The following SETBP1 variants were observed in gnomAD, a reference collection of about 807,000 sequenced individuals.
SETBP1 encodes the protein SET binding protein 1.
In SETBP1, 9 loss-of-function variants were observed where a neutral mutation model predicts 101.0. The ratio of observed to expected loss-of-function variants is 0.09; its 90% CI spans 0.05 to 0.16. The LOEUF (loss-of-function observed/expected upper bound fraction) is 0.16. Among genes scored for constraint, SETBP1 ranks in the 10% least tolerant of loss-of-function variants. The pLI is 1.00. For synonymous variants in SETBP1, 818 were observed against 788.5 expected, an observed-to-expected ratio of 1.04 and a Z score of -0.63; for missense variants, 1,858 against 2,033.8, an observed-to-expected ratio of 0.91 and a Z score of 1.66.
At chr18:44,752,536 G>A (rs1255982821) in intron 2 of SETBP1, among the ~76,000 whole-genome samples, 1 of 152,220 alleles carries the variant, frequency 6.6e-6, no homozygotes, top group Non-Finnish European at 1.5e-5. Context: ...AGCAACAACT[G>A]TGGACTTGAC....
intron 4 of SETBP1, among the ~76,000 whole-genome samples, chr18:44,985,200 G>A (rs1303788551): frequency 2.6e-5 from 4 of 152,042 alleles, no homozygotes; most frequent in Non-Finnish European, 4.4e-5. Flanking sequence ...GTGCTTTCAG[G>A]TTACAAATGT....
chr18:44,803,840 A>G (rs1262305729), intron 2 of SETBP1, among the ~76,000 whole-genome samples: 1 of 152,178 alleles, frequency 6.6e-6, no homozygotes, highest in African/African-American at 2.4e-5. Flanking sequence ...GCTAAAATTT[A>G]CTGTTTTCAG....
At chr18:45,026,162 T>A (rs1237136370) in intron 4 of SETBP1, among the ~76,000 whole-genome samples, 1 of 152,252 alleles carries the variant, frequency 6.6e-6, no homozygotes, top group Non-Finnish European at 1.5e-5. Flanking sequence ...TAGAGAAGAA[T>A]CTTCTAGAGA....
chr18:44,732,752 G>A (rs1286632487), intron 2 of SETBP1: 1 of 152,106 alleles, frequency 6.6e-6, no homozygotes, highest in African/African-American at 2.4e-5. Context: ...TGGTCTCCAG[G>A]AAGAACCAGT....
At chr18:44,902,600 A>G (rs1287963251) in intron 3 of SETBP1, among the ~76,000 whole-genome samples, 1 of 152,186 alleles carries the variant, frequency 6.6e-6, no homozygotes, top group African/African-American at 2.4e-5. Context: ...AATTTGAAAG[A>G]ATACCAGATT....
chr18:44,960,648 GCTA>G (rs933906478), intron 4 of SETBP1, among the ~76,000 whole-genome samples: 1 of 152,124 alleles, frequency 6.6e-6, no homozygotes, highest in Non-Finnish European at 1.5e-5. Context: ...CTGGCCAGAA[GCTA>G]CTTTTTAAAC....
intron 2 of SETBP1, among the ~76,000 whole-genome samples, chr18:44,863,641 T>C (rs1439977117): frequency 6.6e-6 from 1 of 152,112 alleles, no homozygotes; most frequent in African/African-American, 2.4e-5. Flanking sequence ...TGAGGGCAGA[T>C]TGAAAAGAGG....
intron 2 of SETBP1, among the ~76,000 whole-genome samples, chr18:44,764,879 C>T (rs1342817637): frequency 6.6e-6 from 1 of 152,190 alleles, no homozygotes; most frequent in Non-Finnish European, 1.5e-5. Context: ...AGAGTGGAAG[C>T]TTTTTGAGGG....
chr18:44,918,550 A>T (rs956516684), intron 3 of SETBP1, among the ~76,000 whole-genome samples: 1 of 152,142 alleles, frequency 6.6e-6, no homozygotes, highest in African/African-American at 2.4e-5. Context: ...GTCATTAGAG[A>T]TGTTGAGGCA....
intron 2 of SETBP1, among the ~76,000 whole-genome samples, chr18:44,839,484 C>A (rs1403805794): frequency 6.6e-6 from 1 of 152,208 alleles, no homozygotes; most frequent in East Asian, 1.9e-4. Flanking sequence ...GGACTCTCAG[C>A]TATTGTTACA....
intron 3 of SETBP1, among the ~76,000 whole-genome samples, chr18:44,894,296 G>A (rs1041402441): frequency 6.6e-6 from 1 of 152,084 alleles, no homozygotes; most frequent in African/African-American, 2.4e-5. Context: ...TGCAGGAAGC[G>A]ATTGTAAATA....
chr18:44,876,323 T>C (rs1398065496), intron 3 of SETBP1, among the ~76,000 whole-genome samples: 1 of 152,188 alleles, frequency 6.6e-6, no homozygotes, highest in East Asian at 1.9e-4. Context: ...ATCCTGCAGC[T>C]GCTGCTTCCT....
rs746194683 is a variant in SETBP1, at chr18:44,952,495, G to T, written c.3155G>T (p.Gly1052Val). Reference sequence around the variant, plus strand: ...AGTGGAAGTTACTATGCACCCTATGGAATGCCTTACACATCAATGCCTATG... The same window carrying T: ...AGTGGAAGTTACTATGCACCCTATGTAATGCCTTACACATCAATGCCTATG... ...IPSGSYYAPY[G>V]MPYTSMPMMN... Residue 1052 changes from glycine (G) to valine (V), a missense_variant, in exon 4 of 6, where the codon GGA becomes GTA. Around this residue, in one of 12 missense-constraint regions of SETBP1, gnomAD observed 255 missense variants for 300.1 expected, o/e 0.85. Coordinates refer to ENST00000649279, the MANE Select transcript of SETBP1 (RefSeq NM_015559.3). The T allele has an allele frequency of 6.2e-7, 1 of 1,614,036 alleles. No individual in the cohort carries two copies. Among genetic ancestry groups the T allele is most frequent in the Admixed American group, 1.7e-5 (1 of 60,002 alleles).
At chr18:44,869,491 T>G in intron 3 of SETBP1, 1 of 614,404 alleles carries the variant, frequency 1.6e-6, no homozygotes, top group South Asian at 1.8e-5. Context: ...TTTCTGCTCT[T>G]TCGTTCCTAA....
intron 2 of SETBP1, among the ~76,000 whole-genome samples, chr18:44,818,753 TCA>T (rs34683605): frequency 0.052 from 7,287 of 140,412 alleles, 391 homozygotes; most frequent in African/African-American, 0.14. Flanking sequence ...ACGCACACAC[TCA>T]CACACACACA....
intron 3 of SETBP1, among the ~76,000 whole-genome samples, chr18:44,932,804 T>C (rs2070867543): frequency 6.6e-6 from 1 of 152,228 alleles, no homozygotes; most frequent in African/African-American, 2.4e-5. Context: ...TCAGGTCATT[T>C]AAGGACTTCT....
intron 2 of SETBP1, among the ~76,000 whole-genome samples, chr18:44,715,853 C>T (rs1465535623): frequency 5.9e-5 from 9 of 152,186 alleles, no homozygotes; most frequent in Admixed American, 3.9e-4. Context: ...ACAGCAGCTG[C>T]AGGTTGGAAG....
intron 2 of SETBP1, among the ~76,000 whole-genome samples, chr18:44,865,903 A>G (rs2069117942): frequency 6.6e-6 from 1 of 152,218 alleles, no homozygotes; most frequent in African/African-American, 2.4e-5. Flanking sequence ...TTTGTGAGTT[A>G]AACATTCCAA....
chr18:44,810,004 A>G (rs1265790378), intron 2 of SETBP1, among the ~76,000 whole-genome samples: 1 of 152,182 alleles, frequency 6.6e-6, no homozygotes, highest in Non-Finnish European at 1.5e-5. Context: ...CCTCCCTGCA[A>G]GAACTATTTT....
Sources: allele counts gnomAD v4.1 joint callset (sites outside exome capture counted in the v4.1 genomes callset), GRCh38; gene constraint gnomAD v4.1.1; regional missense constraint gnomAD v4.1.1; transcripts MANE v1.5; gene names NCBI Gene and HGNC (gene_info 2026-07-23, HGNC 2026-07-21).